The following AUTS2 variants were observed in gnomAD, a reference collection of about 807,000 sequenced individuals.
AUTS2 encodes autism susceptibility gene 2 protein.
AUTS2 carries 17 observed loss-of-function variants against 112.4 expected under a neutral mutation model. That is an observed-to-expected ratio of 0.15 (90% CI 0.10 to 0.23). The LOEUF is 0.23. Ranked by LOEUF, AUTS2 falls within the 10% of genes least tolerant of loss-of-function variation. AUTS2 has a pLI of 1.00. For missense variants in AUTS2, 1,510 were observed against 1,701.6 expected (o/e 0.89, Z 1.98); for synonymous variants, 751 against 702.7 (o/e 1.07, Z -1.09).
At chr7:70,150,552 C>CT (rs1398811791) in intron 4 of AUTS2, among the ~76,000 whole-genome samples, 1 of 152,026 alleles carries the variant, frequency 6.6e-6, no homozygotes, top group African/African-American at 2.4e-5. Flanking sequence ...CAGACTAGAA[C>CT]TTTTTTTTCT....
chr7:70,656,741 A>G (rs1265421408), intron 5 of AUTS2, among the ~76,000 whole-genome samples: 2 of 152,218 alleles, frequency 1.3e-5, no homozygotes, highest in African/African-American at 4.8e-5. Context: ...TGTCTATGGC[A>G]GCATGCAATA....
chr7:69,985,366 G>A (rs372157913), intron 2 of AUTS2, among the ~76,000 whole-genome samples: 14 of 152,106 alleles, frequency 9.2e-5, no homozygotes, highest in African/African-American at 3.4e-4. Flanking sequence ...GACTAGTTTT[G>A]GAAATAGAAG....
At chr7:69,859,892 A>G (rs1792897949) in intron 1 of AUTS2, among the ~76,000 whole-genome samples, 1 of 152,166 alleles carries the variant, frequency 6.6e-6, no homozygotes, top group African/African-American at 2.4e-5. Flanking sequence ...GACCTTGAGG[A>G]TCCAGAGTAG....
intron 4 of AUTS2, among the ~76,000 whole-genome samples, chr7:70,145,579 T>C (rs138830120): frequency 9.2e-5 from 14 of 152,266 alleles, no homozygotes; most frequent in African/African-American, 3.1e-4. Flanking sequence ...GTACTTTAAA[T>C]AGATAAATGA....
intron 5 of AUTS2, among the ~76,000 whole-genome samples, chr7:70,451,485 A>G (rs142849338): frequency 8.9e-4 from 136 of 152,250 alleles, no homozygotes; most frequent in African/African-American, 3.2e-3. Flanking sequence ...GGCAAAATAC[A>G]CATAACATAA....
chr7:70,495,398 C>G (rs962222226), intron 5 of AUTS2, among the ~76,000 whole-genome samples: 1 of 151,994 alleles, frequency 6.6e-6, no homozygotes, highest in African/African-American at 2.4e-5. Context: ...GCAAGTATTC[C>G]CCTTATCTGT....
intron 4 of AUTS2, among the ~76,000 whole-genome samples, chr7:70,181,669 A>C (rs1809312038): frequency 6.6e-6 from 1 of 151,284 alleles, no homozygotes; most frequent in African/African-American, 2.4e-5. Context: ...TTGTATTTTT[A>C]ATAGAGACGG....
chr7:70,619,960 CAA>C (rs916915187), intron 5 of AUTS2, among the ~76,000 whole-genome samples: 2 of 152,180 alleles, frequency 1.3e-5, no homozygotes, highest in Non-Finnish European at 2.9e-5. Flanking sequence ...GCAGCTAAGA[CAA>C]GAGGCAGAGG....
intron 2 of AUTS2, among the ~76,000 whole-genome samples, chr7:69,928,716 C>T (rs1441050224): frequency 2.0e-5 from 3 of 152,054 alleles, no homozygotes; most frequent in Non-Finnish European, 4.4e-5. Flanking sequence ...GCAGGGCTTC[C>T]CGAGCCCCCA....
In AUTS2 at chr7:70,105,513, G is replaced by A. The variant is rs149547337; in HGVS notation, c.523-12619G>A. Among the ~76,000 whole-genome samples the A allele has an allele frequency of 5.6e-3, 855 of 152,092 alleles. 1 individual carries two copies. The highest frequency in any genetic ancestry group is 9.6e-3 in the Non-Finnish European group (652 of 68,010). On this transcript the variant is annotated intron_variant, in intron 2 of 18. Coordinates refer to ENST00000342771, the MANE Select transcript of AUTS2 (RefSeq NM_015570.4). Reference sequence around the variant, plus strand: ...CCTCAAGTGATCTTCCAGCTTCAGCGTCCCAAAGTGCTGAGATTACAGGCA... The same window carrying A: ...CCTCAAGTGATCTTCCAGCTTCAGCATCCCAAAGTGCTGAGATTACAGGCA...
chr7:70,106,125 G>A (rs944865958), intron 2 of AUTS2, among the ~76,000 whole-genome samples: 1 of 152,092 alleles, frequency 6.6e-6, no homozygotes, highest in South Asian at 2.1e-4. Context: ...TTTTGCGCAG[G>A]TTAAAAATGG....
intron 1 of AUTS2, among the ~76,000 whole-genome samples, chr7:69,696,645 T>C (rs962871069): frequency 1.3e-5 from 2 of 152,196 alleles, no homozygotes; most frequent in Non-Finnish European, 2.9e-5. Context: ...GAATGTCTTT[T>C]AGTTGTTTGA....
At chr7:69,621,047 A>G (rs888453023) in intron 1 of AUTS2, among the ~76,000 whole-genome samples, 7 of 152,350 alleles carry the variant, frequency 4.6e-5, no homozygotes, top group East Asian at 1.9e-4. Flanking sequence ...CGTCTTCACC[A>G]TAAGCCCAGT....
In AUTS2 at chr7:70,006,328, G is replaced by A. The variant is rs561945274; in HGVS notation, c.522+106830G>A. Among the ~76,000 whole-genome samples, 71 of 152,218 alleles carry A rather than the reference G, an allele frequency of 4.7e-4. 1 individual carries two copies. The highest frequency in any genetic ancestry group is 1.5e-3 in the African/African-American group (62 of 41,544). ...TTGCCTTTGAGAGAAACGAGGAGGGGGGAGAAGCCTGTATTTGATAGTTTT... is the reference window on the plus strand; with the variant it reads ...TTGCCTTTGAGAGAAACGAGGAGGGAGGAGAAGCCTGTATTTGATAGTTTT... On this transcript the variant is annotated intron_variant, in intron 2 of 18. Coordinates refer to ENST00000342771, the MANE Select transcript of AUTS2 (RefSeq NM_015570.4).
chr7:69,685,969 C>T (rs998187090), intron 1 of AUTS2, among the ~76,000 whole-genome samples: 3 of 151,958 alleles, frequency 2.0e-5, no homozygotes, highest in South Asian at 2.1e-4. Context: ...ACATGAAGGC[C>T]GTGTGGGTAA....
intron 5 of AUTS2, among the ~76,000 whole-genome samples, chr7:70,677,047 A>G (rs1446748795): frequency 6.6e-6 from 1 of 152,194 alleles, no homozygotes; most frequent in Non-Finnish European, 1.5e-5. Context: ...GCTATTCACC[A>G]GAGACCTCCT....
chr7:70,227,979 C>T (rs1460387935), intron 4 of AUTS2, among the ~76,000 whole-genome samples: 1 of 151,922 alleles, frequency 6.6e-6, no homozygotes, highest in Non-Finnish European at 1.5e-5. Context: ...TGTTGGTTTT[C>T]TATCTAGGTG....
intron 5 of AUTS2, among the ~76,000 whole-genome samples, chr7:70,572,213 T>A (rs1021872778): frequency 6.6e-6 from 1 of 151,992 alleles, no homozygotes; most frequent in South Asian, 2.1e-4. Flanking sequence ...GGCGGATGCC[T>A]GGCATGTGAA....
intron 1 of AUTS2, among the ~76,000 whole-genome samples, chr7:69,740,899 C>G (rs1452701739): frequency 6.6e-6 from 1 of 152,118 alleles, no homozygotes; most frequent in Non-Finnish European, 1.5e-5. Context: ...TGAGAAAGAG[C>G]TTTTGCCCAG....
Sources: allele counts gnomAD v4.1 joint callset (sites outside exome capture counted in the v4.1 genomes callset), GRCh38; gene constraint gnomAD v4.1.1; transcripts MANE v1.5; gene names NCBI Gene and HGNC (gene_info 2026-07-23, HGNC 2026-07-21).